Variants in ADK observed in about 807,000 individuals in gnomAD.
The protein encoded by ADK is N6,N6-dimethyladenosine kinase.
Under a neutral mutation model 44.7 loss-of-function variants are expected in ADK, and 24 were observed. The observed-to-expected ratio is 0.54, with a 90% CI of 0.39 to 0.76. The LOEUF (loss-of-function observed/expected upper bound fraction) is 0.76. Among genes scored for constraint, ADK ranks in the 30% least tolerant of loss-of-function variants. ADK has a pLI of 0.00. For synonymous variants in ADK, 128 were observed against 142.6 expected, an observed-to-expected ratio of 0.90 and a Z score of 0.73; for missense variants, 321 against 425.1, an observed-to-expected ratio of 0.76 and a Z score of 2.15.
chr10:74,665,307 T>A (rs560329435), intron 9 of ADK, among the ~76,000 whole-genome samples: 1 of 152,348 alleles, frequency 6.6e-6, no homozygotes, highest in African/African-American at 2.4e-5. Flanking sequence ...GGCATAAGAA[T>A]GTGAAGGGTT....
chr10:74,190,229 A>T (rs1292607747), intron 1 of ADK, among the ~76,000 whole-genome samples: 1 of 152,324 alleles, frequency 6.6e-6, no homozygotes, highest in East Asian at 1.9e-4. Context: ...GTTTCTCCAC[A>T]TTCTTGTCAA....
chr10:74,186,190 T>TCCTTCCCTTC lies in ADK; in HGVS notation c.66-14557_66-14548dup, dbSNP rs145702466. On this transcript the variant is annotated intron_variant, in intron 1 of 10. Transcript: ENST00000539909. ...CCTAAAGTCAAATCAGCCTTCCCTT[T>TCCTTCCCTTC]CCTTCCCTTCCCTTCCCTTCCCTTC... Among the ~76,000 whole-genome samples, 203 of 143,652 alleles carry TCCTTCCCTTC rather than the reference T, an allele frequency of 1.4e-3. 1 individual carries two copies. The highest frequency in any genetic ancestry group is 4.2e-3 in the African/African-American group (165 of 39,036). The allele number at this position is 143,652 out of a possible 152,430, so 94.2% of individuals were successfully genotyped here.
intron 9 of ADK, among the ~76,000 whole-genome samples, chr10:74,657,500 T>C (rs1854530247): frequency 6.6e-6 from 1 of 152,242 alleles, no homozygotes; most frequent in African/African-American, 2.4e-5. Flanking sequence ...AACTTGAGTT[T>C]ATTTGCTTCC....
intron 3 of ADK, among the ~76,000 whole-genome samples, chr10:74,279,861 G>A (rs894484807): frequency 5.3e-5 from 8 of 151,876 alleles, no homozygotes; most frequent in African/African-American, 7.3e-5. Flanking sequence ...GGGAGACCCC[G>A]TCTCTAAAAA....
rs145532422 is a variant in ADK, at chr10:74,348,333, A to G, written c.273+33588A>G. Among the ~76,000 whole-genome samples the G allele has an allele frequency of 3.7e-3, 570 of 152,322 alleles. 2 individuals are homozygous for G. Among genetic ancestry groups the G allele is most frequent in the African/African-American group, 0.013 (533 of 41,568 alleles). ...TTAAAGCAAACTGCAGCAGACCTGC[A>G]GAAGAGGTGCCTGACTGTTAGGAGA... On this transcript the variant is annotated intron_variant, in intron 4 of 10. Transcript: ENST00000539909.
At chr10:74,201,538 G>A (rs931543428) in intron 2 of ADK, among the ~76,000 whole-genome samples, 1 of 151,990 alleles carries the variant, frequency 6.6e-6, no homozygotes, top group African/African-American at 2.4e-5. Context: ...GTTAGTTGTT[G>A]TTAATCTCTT....
intron 6 of ADK, among the ~76,000 whole-genome samples, chr10:74,492,604 T>C (rs1157812207): frequency 6.6e-6 from 1 of 152,228 alleles, no homozygotes; most frequent in Non-Finnish European, 1.5e-5. Flanking sequence ...CAAATTTTCA[T>C]GATTGGGCAA....
rs548600380 is a variant in ADK, at chr10:74,571,751, AT to A, written c.727-17525del. Among the ~76,000 whole-genome samples the A allele has an allele frequency of 5.7e-3, 863 of 152,118 alleles. 5 individuals carry two copies. The highest frequency in any genetic ancestry group is 0.02 in the African/African-American group (817 of 41,476). On this transcript the variant is annotated intron_variant, in intron 7 of 10. Coordinates refer to ENST00000539909, the MANE Select transcript of ADK (RefSeq NM_006721.4). ...AAAAAAGCAGCTCCTGGATTCATTA[AT>A]TTTTTGAAGGGTTTTTTGTGTCTCT...
intron 4 of ADK, among the ~76,000 whole-genome samples, chr10:74,330,320 G>A (rs1032457645): frequency 1.3e-5 from 2 of 152,164 alleles, no homozygotes; most frequent in African/African-American, 2.4e-5. Context: ...GTTGAGATGG[G>A]AAGATCACTT....
intron 7 of ADK, among the ~76,000 whole-genome samples, chr10:74,563,534 TATAAA>T (rs1589251272): frequency 6.6e-6 from 1 of 152,342 alleles, no homozygotes; most frequent in East Asian, 1.9e-4. Context: ...TTCTAGTCAT[TATAAA>T]ATGTCCTCAA....
At chr10:74,332,223 A>C (rs1438653044) in intron 4 of ADK, among the ~76,000 whole-genome samples, 1 of 152,148 alleles carries the variant, frequency 6.6e-6, no homozygotes, top group African/African-American at 2.4e-5. Context: ...GTAATGTCAG[A>C]CTCTATCAAG....
At chr10:74,278,529 A>C (rs957059010) in intron 3 of ADK, among the ~76,000 whole-genome samples, 27 of 152,154 alleles carry the variant, frequency 1.8e-4, no homozygotes, top group African/African-American at 6.5e-4. Context: ...AACTTAAATA[A>C]TTTTGTTATG....
intron 4 of ADK, among the ~76,000 whole-genome samples, chr10:74,342,798 T>C (rs1235449760): frequency 6.6e-6 from 1 of 151,904 alleles, no homozygotes; most frequent in Non-Finnish European, 1.5e-5. Flanking sequence ...TGTGTGTGTG[T>C]GTGTGTGTGT....
chr10:74,334,312 C>T (rs1398942544), intron 4 of ADK, among the ~76,000 whole-genome samples: 1 of 152,146 alleles, frequency 6.6e-6, no homozygotes, highest in Non-Finnish European at 1.5e-5. Flanking sequence ...AAACTTGAGA[C>T]ATGAGATAAC....
chr10:74,222,500 C>T (rs1038741621), intron 2 of ADK, among the ~76,000 whole-genome samples: 9 of 151,968 alleles, frequency 5.9e-5, no homozygotes, highest in African/African-American at 9.7e-5. Context: ...ACCCAGCCAT[C>T]CCATTACTGG....
intron 9 of ADK, among the ~76,000 whole-genome samples, chr10:74,652,916 A>G (rs1331695100): frequency 2.0e-5 from 3 of 152,160 alleles, no homozygotes; most frequent in Non-Finnish European, 4.4e-5. Flanking sequence ...AACTACCAAG[A>G]TGAAGGCATT....
At chr10:74,693,766 A>G (rs1856072797) in intron 10 of ADK, among the ~76,000 whole-genome samples, 1 of 152,200 alleles carries the variant, frequency 6.6e-6, no homozygotes, top group Non-Finnish European at 1.5e-5. Flanking sequence ...GCCTAAGAGT[A>G]AAATACAGGA....
intron 2 of ADK, among the ~76,000 whole-genome samples, chr10:74,221,945 C>T (rs1350353981): frequency 6.6e-6 from 1 of 152,304 alleles, no homozygotes; most frequent in Non-Finnish European, 1.5e-5. Context: ...CATTACTATT[C>T]AGGACATAGG....
chr10:74,600,479 C>T lies in ADK; in HGVS notation c.863C>T (p.Thr288Ile). The change falls in exon 9 of 11, where the codon ACT becomes ATT. Residue 288 changes from threonine to isoleucine, a missense_variant. Transcript: ENST00000539909. ...ATCTTCACCCAAGGGAGAGATGACA[C>T]TATAATGGCTACAGGTACATGTGGG... The part of the protein sequence containing the change: ...IVIFTQGRDD[T>I]IMATESEVTA... 1 of 1,606,470 alleles carries T rather than the reference C, an allele frequency of 6.2e-7. No individual in the cohort carries two copies. Among genetic ancestry groups the T allele is most frequent in the South Asian group, 1.1e-5 (1 of 90,554 alleles).
Sources: allele counts gnomAD v4.1 joint callset (sites outside exome capture counted in the v4.1 genomes callset), GRCh38; gene constraint gnomAD v4.1.1; transcripts MANE v1.5; gene names NCBI Gene and HGNC (gene_info 2026-07-23, HGNC 2026-07-21).